GOLGA1: variants seen among roughly 807,000 people sequenced by gnomAD.
GOLGA1 encodes the protein golgin subfamily A member 1.
Under a neutral mutation model 119.7 loss-of-function variants are expected in GOLGA1, and 63 were observed. The ratio of observed to expected loss-of-function variants is 0.53; its 90% CI spans 0.43 to 0.65. GOLGA1 has a LOEUF of 0.65. Ranked by LOEUF, GOLGA1 falls within the 30% of genes least tolerant of loss-of-function variation. The pLI is 0.00. For synonymous variants in GOLGA1, 318 were observed against 333.4 expected, an observed-to-expected ratio of 0.95 and a Z score of 0.50; for missense variants, 798 against 912.8, an observed-to-expected ratio of 0.87 and a Z score of 1.62.
At chr9:124,940,373 T>G (rs1037674170) in intron 1 of GOLGA1, among the ~76,000 whole-genome samples, 4 of 152,198 alleles carry the variant, frequency 2.6e-5, no homozygotes, top group Admixed American at 2.6e-4. Context: ...TACAAGCGCA[T>G]AGAACAGAAT....
At chr9:124,940,914 G>C (rs920593682) in intron 1 of GOLGA1, 57 bp downstream of exon 1, 10 of 152,280 alleles carry the variant, frequency 6.6e-5, no homozygotes, top group Non-Finnish European at 1.5e-4. Context: ...GGGACAGACC[G>C]AGGCCACTGG....
At chr9:124,936,202 G>C (rs550079168) in intron 3 of GOLGA1, among the ~76,000 whole-genome samples, 3 of 152,242 alleles carry the variant, frequency 2.0e-5, no homozygotes, top group Non-Finnish European at 2.9e-5. Context: ...CCTTCAGCCC[G>C]ATGCTCAAAT....
intron 6 of GOLGA1, among the ~76,000 whole-genome samples, chr9:124,927,215 G>A (rs1018008119): frequency 2.2e-4 from 33 of 152,018 alleles, no homozygotes; most frequent in African/African-American, 7.5e-4. Context: ...TTTTCATTTT[G>A]ATTTTACCAA....
At chr9:124,915,325 T>G (rs1830418570) in intron 10 of GOLGA1, among the ~76,000 whole-genome samples, 1 of 152,126 alleles carries the variant, frequency 6.6e-6, no homozygotes, top group African/African-American at 2.4e-5. Context: ...ACTCGATGAG[T>G]CCCTATCTGT....
At chr9:124,938,993 C>A (rs759567684) in intron 2 of GOLGA1, 127 bp from the exon 3 acceptor site, 37 of 277,116 alleles carry the variant, frequency 1.3e-4, no homozygotes, top group Non-Finnish European at 2.1e-4. Flanking sequence ...AACACAATTA[C>A]TAAACATTTA....
At chr9:124,890,290 T>C in intron 16 of GOLGA1, 99 bp downstream of exon 16, 1 of 835,768 alleles carries the variant, frequency 1.2e-6, no homozygotes, top group South Asian at 1.4e-5. Flanking sequence ...TACCCTACCC[T>C]GGAGAGACAG....
In GOLGA1 at chr9:124,919,740, C is replaced by T. The variant is rs143299377; in HGVS notation, c.843+1389G>A. Among the ~76,000 whole-genome samples, 143 of 152,022 alleles carry T rather than the reference C, an allele frequency of 9.4e-4. No homozygotes were observed. In the East Asian group the frequency reaches 0.014, roughly 15 times the overall value. ...ATGAGGGTAGGGTGGATGGCACTGC[C>T]GAATAGGGGGTGGTTCTGTGATGTG... On this transcript the variant is annotated intron_variant, in intron 10 of 22. Coordinates refer to ENST00000373555, the MANE Select transcript of GOLGA1 (RefSeq NM_002077.4).
chr9:124,935,764 A>C (rs1351840593), intron 3 of GOLGA1, among the ~76,000 whole-genome samples: 1 of 18,464 alleles, frequency 5.4e-5, no homozygotes, highest in African/African-American at 4.1e-4. Context: ...CTCTGTCTCC[A>C]AAAAAAAAAA....
At chr9:124,939,547 T>C (rs950408110) in intron 2 of GOLGA1, among the ~76,000 whole-genome samples, 1 of 79,974 alleles carries the variant, frequency 1.3e-5, no homozygotes, top group Non-Finnish European at 2.1e-5. Flanking sequence ...ATTTTCTTTC[T>C]TTCTTTTTTT....
At chr9:124,935,181 G>A (rs1830840332) in intron 3 of GOLGA1, among the ~76,000 whole-genome samples, 1 of 152,202 alleles carries the variant, frequency 6.6e-6, no homozygotes, top group African/African-American at 2.4e-5. Context: ...AGGATCAGAA[G>A]TGTTTTGGAG....
At chr9:124,926,813 A>G in intron 6 of GOLGA1, 72 bp from the exon 7 acceptor site, 5 of 763,526 alleles carry the variant, frequency 6.5e-6, no homozygotes, top group Non-Finnish European at 6.3e-6. Flanking sequence ...TCAGAAAACA[A>G]AACAACCCAA....
At chr9:124,942,892 C>CCTACTGAA (rs2131555968), upstream of GOLGA1, 1 of 152,304 alleles carries the variant, frequency 6.6e-6, no homozygotes, top group South Asian at 2.1e-4. Context: ...CATTGGAAAG[C>CCTACTGAA]CTACTGAATC....
In GOLGA1 at chr9:124,899,275, G is replaced by A. The variant is rs550553199; in HGVS notation, c.1311+54C>T. On this transcript the variant is annotated intron_variant, in intron 14 of 22. Coordinates refer to ENST00000373555, the MANE Select transcript of GOLGA1 (RefSeq NM_002077.4). Reference sequence around the variant, plus strand: ...CACTGTCAAGCACGAGGCTGACTTCGCTGTGGGGGACCCTGGTGCTCCTGG... The same window carrying A: ...CACTGTCAAGCACGAGGCTGACTTCACTGTGGGGGACCCTGGTGCTCCTGG... The A allele has an allele frequency of 4.6e-5, 68 of 1,483,030 alleles. 1 individual carries two copies. In the African/African-American group the frequency reaches 5.5e-4, roughly 12 times the overall value. The allele number at this position is 1,483,030 out of a possible 1,614,324, so 91.9% of individuals were successfully genotyped here. A position where few individuals can be genotyped will look rare whatever the true frequency, so the allele number is the denominator to read the frequency against.
At chr9:124,899,549 A>G in intron 13 of GOLGA1, 71 bp from the exon 14 acceptor site, 1 of 1,421,664 alleles carries the variant, frequency 7.0e-7, no homozygotes, top group East Asian at 2.5e-5. Flanking sequence ...GTCTGGCCCT[A>G]GGTGAGAAGA....
At chr9:124,943,753 T>A (rs754507088), upstream of GOLGA1, 15 of 152,342 alleles carry the variant, frequency 9.8e-5, no homozygotes, top group Admixed American at 1.3e-4. Flanking sequence ...TTTTAACTCC[T>A]ATTTGATTAT....
chr9:124,920,328 A>G (rs1830541253), intron 10 of GOLGA1, among the ~76,000 whole-genome samples: 1 of 102,170 alleles, frequency 9.8e-6, no homozygotes. Context: ...CAAGAGGAGG[A>G]CCTCATGTGA....
chr9:124,928,409 C>T, intron 5 of GOLGA1, 124 bp from the exon 6 acceptor site: 1 of 512,674 alleles, frequency 2.0e-6, no homozygotes, highest in Middle Eastern at 4.4e-4. Flanking sequence ...GATTGTGATA[C>T]TAGGAAAAGC....
At chr9:124,941,766 C>G (rs1257249440), upstream of GOLGA1, among the ~76,000 whole-genome samples, 2 of 152,202 alleles carry the variant, frequency 1.3e-5, no homozygotes, top group Admixed American at 6.5e-5. Flanking sequence ...GCTGGGCCGT[C>G]TCCTTTCTGC....
chr9:124,917,871 A>T (rs1178816217), intron 10 of GOLGA1, among the ~76,000 whole-genome samples: 1 of 151,440 alleles, frequency 6.6e-6, no homozygotes, highest in African/African-American at 2.4e-5. Flanking sequence ...TTTTTTTTTG[A>T]GACGGAGTTT....
Sources: gnomAD v4.1 joint callset for allele counts (sites outside exome capture counted in the v4.1 genomes callset) on GRCh38, gnomAD v4.1.1 for gene constraint, MANE v1.5 for transcripts, NCBI Gene and HGNC (gene_info 2026-07-23, HGNC 2026-07-21) for gene names.